CRKL: variants seen among roughly 807,000 people sequenced by gnomAD.
The protein encoded by CRKL is CRK like proto-oncogene, adaptor protein, also known as crk-like protein.
CRKL carries 3 observed loss-of-function variants against 23.0 expected under a neutral mutation model. The ratio of observed to expected loss-of-function variants is 0.13; its 90% CI spans 0.06 to 0.34. The LOEUF is 0.34. Among genes scored for constraint, CRKL ranks in the 10% least tolerant of loss-of-function variants. The probability of loss-of-function intolerance (pLI) is 1.00; values close to 1 mark genes in which losing one functional copy is unlikely to be tolerated. For missense variants in CRKL, 256 were observed against 394.5 expected (o/e 0.65, Z 2.97); for synonymous variants, 188 against 160.7 (o/e 1.17, Z -1.28).
At chr22:20,940,553 A>G (rs1345285794) in intron 2 of CRKL, among the ~76,000 whole-genome samples, 1 of 125,080 alleles carries the variant, frequency 8.0e-6, no homozygotes, top group Non-Finnish European at 1.6e-5. Context: ...CCCTTTCCTC[A>G]TCTTTGGTGC....
intron 1 of CRKL, among the ~76,000 whole-genome samples, chr22:20,930,309 C>G (rs1231068044): frequency 6.6e-6 from 1 of 152,184 alleles, no homozygotes; most frequent in Non-Finnish European, 1.5e-5. Flanking sequence ...CTCTGTCCAA[C>G]TACTCAACTA....
At chr22:20,948,032 T>C (rs17819409) in intron 2 of CRKL, among the ~76,000 whole-genome samples, 21,549 of 152,066 alleles carry the variant, frequency 0.14, 1,846 homozygotes, top group East Asian at 0.35. Context: ...ATTCATTGTG[T>C]ATCCCACTCA....
At chr22:20,940,169 G>C (rs1312406156) in intron 2 of CRKL, among the ~76,000 whole-genome samples, 1 of 151,982 alleles carries the variant, frequency 6.6e-6, no homozygotes, top group African/African-American at 2.4e-5. Context: ...TTTTGTAAAA[G>C]CACCAACAGA....
At chr22:20,924,460 G>A (rs1451324385) in intron 1 of CRKL, among the ~76,000 whole-genome samples, 1 of 152,168 alleles carries the variant, frequency 6.6e-6, no homozygotes, top group African/African-American at 2.4e-5. Context: ...GGAAAGGATT[G>A]CCAGTAATTT....
rs1384824125 is a variant in CRKL at position 20,941,534 on chromosome 22, T to TA, written c.777+7290_777+7291insA. On this transcript the variant is annotated intron_variant, in intron 2 of 2. Coordinates refer to ENST00000354336, the MANE Select transcript of CRKL (RefSeq NM_005207.4). Reference sequence around the variant, plus strand: ...TTGTGTATGTGTATATATATATATATTTTATGTGTGTGTGTGTGTGTGTGT... The same window carrying TA: ...TTGTGTATGTGTATATATATATATATATTTATGTGTGTGTGTGTGTGTGTGT... Among the ~76,000 whole-genome samples, 11 of 102,154 alleles carry TA rather than the reference T, an allele frequency of 1.1e-4. 2 individuals are homozygous for TA. In the East Asian group the frequency reaches 2.5e-3, roughly 23 times the overall value. 67.0% of individuals were successfully genotyped at this position (102,154 alleles called of 152,430 possible).
Position 20,951,314 on chromosome 22 carries a change from T to C in CRKL, c.*1469T>C, listed in dbSNP as rs764645414. 12 of 231,978 alleles carry C rather than the reference T, an allele frequency of 5.2e-5. No individual in the cohort carries two copies. Among genetic ancestry groups the C allele is most frequent in the Non-Finnish European group, 7.7e-5 (9 of 117,374 alleles). The allele number at this position is 231,978 out of a possible 1,614,324, so 14.4% of individuals were successfully genotyped here. On this transcript the variant is annotated 3_prime_UTR_variant, in exon 3 of 3. Transcript: ENST00000354336. ...GCAAAGGAAATGCAAGCTCTGGAAA[T>C]TCGTTAATGTATTTGATGTCTTAGT...
Position 20,918,036 on chromosome 22 carries a change from T to A in CRKL, c.102T>A (p.Gly34=), listed in dbSNP as rs149380918. The part of the protein sequence containing the change: ...AQTRLQGQRH[G]MFLVRDSSTC... ...CCCGGCTCCAGGGCCAGCGCCACGGTATGTTCCTCGTCCGCGATTCTTCCA... is the reference window on the plus strand; with the variant it reads ...CCCGGCTCCAGGGCCAGCGCCACGGAATGTTCCTCGTCCGCGATTCTTCCA... The change falls in exon 1 of 3, where the codon GGT becomes GGA. Residue 34 remains glycine (G), a synonymous_variant. Transcript: ENST00000354336. 1.2e-6 allele frequency: 2 copies of A among 1,614,174 alleles called. No individual in the cohort carries two copies. Among genetic ancestry groups the A allele is most frequent in the Non-Finnish European group, 1.7e-6 (2 of 1,180,036 alleles).
At chr22:20,936,434 C>T (rs912389171) in intron 2 of CRKL, among the ~76,000 whole-genome samples, 5 of 152,050 alleles carry the variant, frequency 3.3e-5, no homozygotes, top group Non-Finnish European at 7.4e-5. Context: ...CTGCAACCTC[C>T]GCCTCCTGGA....
chr22:20,934,669 A>C (rs1456987569), intron 2 of CRKL, among the ~76,000 whole-genome samples: 1 of 152,142 alleles, frequency 6.6e-6, no homozygotes, highest in Non-Finnish European at 1.5e-5. Context: ...TCTTCCAGTA[A>C]GGAAAGATAA....
At chr22:20,925,103 G>T (rs963192353) in intron 1 of CRKL, among the ~76,000 whole-genome samples, 6 of 147,220 alleles carry the variant, frequency 4.1e-5, no homozygotes, top group Non-Finnish European at 7.4e-5. Context: ...CAGGAGAATC[G>T]CTTGAACCTG....
At chr22:20,933,432 C>T (rs1040257288) in intron 1 of CRKL, among the ~76,000 whole-genome samples, 1 of 151,592 alleles carries the variant, frequency 6.6e-6, no homozygotes. Context: ...GTTGGGAGGC[C>T]GAGGTGCGTG....
chr22:20,930,961 C>T (rs1052963421), intron 1 of CRKL, among the ~76,000 whole-genome samples: 2 of 152,040 alleles, frequency 1.3e-5, no homozygotes, highest in Admixed American at 6.6e-5. Context: ...GGATTACAGG[C>T]GTGAGCCACC....
In CRKL at chr22:20,917,944, G is replaced by A. The variant is rs1378084235; in HGVS notation, c.10G>A (p.Ala4Thr). 2 of 1,613,432 alleles carry A rather than the reference G, an allele frequency of 1.2e-6. No individual in the cohort carries two copies. Among genetic ancestry groups the A allele is most frequent in the Non-Finnish European group, 8.5e-7 (1 of 1,179,886 alleles). MSS[A>T]RFDSSDRSAW... Reference sequence around the variant, plus strand: ...TCCCCGGTCCAACACCATGTCCTCCGCCAGGTTCGACTCCTCGGACCGCTC... The same window carrying A: ...TCCCCGGTCCAACACCATGTCCTCCACCAGGTTCGACTCCTCGGACCGCTC... Residue 4 changes from alanine (A) to threonine (T), a missense_variant, in exon 1 of 3, where the codon GCC becomes ACC. Around this residue, in one of 3 missense-constraint regions of CRKL, gnomAD observed 85 missense variants for 139.8 expected, o/e 0.61. Transcript: ENST00000354336.
At chr22:20,931,802 T>TTTTTA (rs951641485) in intron 1 of CRKL, among the ~76,000 whole-genome samples, 42 of 152,194 alleles carry the variant, frequency 2.8e-4, no homozygotes, top group Admixed American at 2.2e-3. Context: ...TTTATTTTTA[T>TTTTTA]TTTTATTTTA....
intron 2 of CRKL, among the ~76,000 whole-genome samples, chr22:20,937,132 G>A (rs1337431161): frequency 2.6e-5 from 4 of 152,126 alleles, no homozygotes; most frequent in South Asian, 2.1e-4. Context: ...GATTACAGGC[G>A]TGAGCCGCTG....
intron 1 of CRKL, among the ~76,000 whole-genome samples, chr22:20,933,053 C>G (rs1921512970): frequency 6.6e-6 from 1 of 151,782 alleles, no homozygotes; most frequent in African/African-American, 2.4e-5. Context: ...GCACTCCAGC[C>G]TGGGTGACAG....
At chr22:20,925,708 T>C (rs1921176245) in intron 1 of CRKL, among the ~76,000 whole-genome samples, 1 of 152,188 alleles carries the variant, frequency 6.6e-6, no homozygotes, top group African/African-American at 2.4e-5. Context: ...TGGAAGAGGA[T>C]GAGAAGAGGC....
chr22:20,919,852 G>A (rs986009732), intron 1 of CRKL, among the ~76,000 whole-genome samples: 9 of 150,648 alleles, frequency 6.0e-5, no homozygotes, highest in African/African-American at 2.2e-4. Flanking sequence ...AAAAAAAAAA[G>A]CCATGACAGT....
intron 2 of CRKL, among the ~76,000 whole-genome samples, chr22:20,939,696 T>C (rs1183738791): frequency 2.0e-5 from 3 of 152,108 alleles, no homozygotes; most frequent in Non-Finnish European, 1.5e-5. Flanking sequence ...TAAAAGTGCA[T>C]GGCCCCATAG....
Sources: gnomAD v4.1 joint callset for allele counts (sites outside exome capture counted in the v4.1 genomes callset) on GRCh38, gnomAD v4.1.1 for gene constraint, gnomAD v4.1.1 regional missense constraint, MANE v1.5 for transcripts, NCBI Gene and HGNC (gene_info 2026-07-23, HGNC 2026-07-21) for gene names.